MACROD2: variants seen among roughly 807,000 people sequenced by gnomAD.
The protein encoded by MACROD2 is ADP-ribose glycohydrolase MACROD2.
A neutral mutation model predicts 70.4 loss-of-function variants in MACROD2; 36 were observed. The observed-to-expected ratio is 0.51, with a 90% CI of 0.39 to 0.68. The LOEUF is 0.68. Among genes scored for constraint, MACROD2 ranks in the 30% least tolerant of loss-of-function variants. The probability of loss-of-function intolerance (pLI) is 0.00; values close to 1 mark genes in which losing one functional copy is unlikely to be tolerated. For synonymous variants in MACROD2, 172 were observed against 178.8 expected (o/e 0.96, Z 0.30); for missense variants, 496 against 538.4 (o/e 0.92, Z 0.78).
At chr20:14,185,970 A>G (rs1203296841) in intron 3 of MACROD2, among the ~76,000 whole-genome samples, 1 of 152,170 alleles carries the variant, frequency 6.6e-6, no homozygotes, top group Non-Finnish European at 1.5e-5. Context: ...GCTTGCTTTC[A>G]GAGTGTATCC....
rs572528022 is a variant in MACROD2 at position 14,818,243 on chromosome 20, G to A, written c.418+133284G>A. 2.6e-5 allele frequency among the ~76,000 whole-genome samples: 4 copies of A among 152,216 alleles called. No individual in the cohort carries two copies. The South Asian group carries it at 8.3e-4, about 32-fold the overall frequency. On this transcript the variant is annotated intron_variant, in intron 5 of 17. Transcript: ENST00000684519. ...CGCACAGTCAGGGTAATGGGCAGAG[G>A]CAGTGAAGAGCCACGGAAAATCCTT...
intron 8 of MACROD2, among the ~76,000 whole-genome samples, chr20:15,510,847 C>T (rs1055096935): frequency 5.9e-5 from 9 of 152,166 alleles, no homozygotes; most frequent in South Asian, 2.1e-4. Context: ...TCAGTTATGT[C>T]GTCTACATTT....
At chr20:15,938,751 G>A (rs2065705388) in intron 12 of MACROD2, among the ~76,000 whole-genome samples, 1 of 152,136 alleles carries the variant, frequency 6.6e-6, no homozygotes, top group East Asian at 1.9e-4. Context: ...AGCTTAATGA[G>A]GAAGGTAGGT....
intron 6 of MACROD2, among the ~76,000 whole-genome samples, chr20:15,322,325 G>A (rs1206639205): frequency 7.0e-6 from 1 of 143,492 alleles, no homozygotes; most frequent in East Asian, 2.0e-4. Context: ...TGCCTGGGTG[G>A]GACGGGGATA....
intron 3 of MACROD2, among the ~76,000 whole-genome samples, chr20:14,287,383 A>AATGATGATG (rs148121991): frequency 6.6e-6 from 1 of 151,290 alleles, no homozygotes; most frequent in Non-Finnish European, 1.5e-5. Flanking sequence ...ATGATTAGGA[A>AATGATGATG]ATGATGATGA....
At chr20:15,179,043 T>G (rs1355680111) in intron 5 of MACROD2, among the ~76,000 whole-genome samples, 2 of 152,170 alleles carry the variant, frequency 1.3e-5, no homozygotes, top group African/African-American at 2.4e-5. Flanking sequence ...TAGATAAGCC[T>G]GAGGTTACTT....
At chr20:14,586,893 A>G (rs1407624591) in intron 4 of MACROD2, among the ~76,000 whole-genome samples, 2 of 152,030 alleles carry the variant, frequency 1.3e-5, no homozygotes, top group Non-Finnish European at 2.9e-5. Context: ...GGCTGATAAT[A>G]CCACATTACT....
At chr20:15,735,994 C>T (rs536233973) in intron 8 of MACROD2, among the ~76,000 whole-genome samples, 11 of 152,188 alleles carry the variant, frequency 7.2e-5, no homozygotes, top group Non-Finnish European at 1.3e-4. Context: ...ATCTGAGATA[C>T]GGCATCATGG....
intron 9 of MACROD2, among the ~76,000 whole-genome samples, chr20:15,877,939 C>T (rs757002581): frequency 6.6e-6 from 1 of 152,098 alleles, no homozygotes; most frequent in Non-Finnish European, 1.5e-5. Context: ...ATTTTATGAT[C>T]TATTTCAGGT....
At chr20:15,511,149 A>G (rs2047493357) in intron 8 of MACROD2, among the ~76,000 whole-genome samples, 3 of 152,218 alleles carry the variant, frequency 2.0e-5, no homozygotes, top group Admixed American at 1.3e-4. Context: ...CACCAGGGCA[A>G]GTGATGGCCA....
At chr20:15,972,114 A>G (rs1049539451) in intron 13 of MACROD2, among the ~76,000 whole-genome samples, 2 of 152,150 alleles carry the variant, frequency 1.3e-5, no homozygotes, top group African/African-American at 4.8e-5. Context: ...GGCAGATTAG[A>G]TACTATAGAA....
At chr20:15,688,337 C>T (rs2050254100) in intron 8 of MACROD2, among the ~76,000 whole-genome samples, 1 of 152,152 alleles carries the variant, frequency 6.6e-6, no homozygotes, top group Non-Finnish European at 1.5e-5. Context: ...TCAGGTCAGC[C>T]AGTTCTCCCT....
At chr20:14,862,610 TATATAA>T (rs2073373967) in intron 5 of MACROD2, among the ~76,000 whole-genome samples, 1 of 22,090 alleles carries the variant, frequency 4.5e-5, no homozygotes, top group South Asian at 1.3e-3. Flanking sequence ...AATATAAATA[TATATAA>T]ATATATATAT....
At chr20:15,829,981 C>T (rs1294637777) in intron 8 of MACROD2, among the ~76,000 whole-genome samples, 2 of 152,108 alleles carry the variant, frequency 1.3e-5, no homozygotes, top group Non-Finnish European at 2.9e-5. Flanking sequence ...AGCTGCAAGG[C>T]AAAATGATGG....
chr20:15,207,406 T>C (rs1282414872), intron 5 of MACROD2, among the ~76,000 whole-genome samples: 6 of 151,534 alleles, frequency 4.0e-5, no homozygotes, highest in Non-Finnish European at 7.4e-5. Flanking sequence ...CTGGCCCCCA[T>C]TACTTCTTTT....
chr20:15,220,660 T>G (rs1210268665), intron 5 of MACROD2, among the ~76,000 whole-genome samples: 1 of 152,236 alleles, frequency 6.6e-6, no homozygotes, highest in African/African-American at 2.4e-5. Flanking sequence ...GAATTCAAAC[T>G]CTGTTCATAT....
At chr20:14,639,549 A>G in intron 4 of MACROD2, among the ~76,000 whole-genome samples, 1 of 152,158 alleles carries the variant, frequency 6.6e-6, no homozygotes, top group Admixed American at 6.5e-5. Context: ...ACTGTGGTTT[A>G]GTTCAATTGC....
At chr20:14,332,160 C>A (rs2082854518) in intron 3 of MACROD2, among the ~76,000 whole-genome samples, 1 of 152,028 alleles carries the variant, frequency 6.6e-6, no homozygotes, top group Admixed American at 6.6e-5. Flanking sequence ...TAATAGGGAT[C>A]CTTATATTCA....
At chr20:14,967,448 G>A (rs1405016452) in intron 5 of MACROD2, among the ~76,000 whole-genome samples, 1 of 152,012 alleles carries the variant, frequency 6.6e-6, no homozygotes, top group Non-Finnish European at 1.5e-5. Flanking sequence ...ACAGGCGTGA[G>A]CCACCGTGCC....
Sources: allele counts gnomAD v4.1 joint callset (sites outside exome capture counted in the v4.1 genomes callset), GRCh38; gene constraint gnomAD v4.1.1; transcripts MANE v1.5; gene names NCBI Gene and HGNC (gene_info 2026-07-23, HGNC 2026-07-21).